AFG2A: variants seen among roughly 807,000 people sequenced by gnomAD.
The protein encoded by AFG2A is ATPase family gene 2 protein homolog A.
the AFG2A span, among the ~76,000 whole-genome samples, chr4:123,233,289 A>G: frequency 5.9e-5 from 9 of 152,002 alleles, no homozygotes; most frequent in African/African-American, 2.2e-4. Context: ...GCACACACAC[A>G]CACACACACA....
chr4:123,072,745 G>T, the AFG2A span, among the ~76,000 whole-genome samples: 2 of 152,078 alleles, frequency 1.3e-5, no homozygotes, highest in African/African-American at 4.8e-5. Context: ...TTTTCAAGAA[G>T]TCCAGTCTAA....
At chr4:123,221,158 T>A in the AFG2A span, among the ~76,000 whole-genome samples, 63 of 152,200 alleles carry the variant, frequency 4.1e-4, no homozygotes, top group East Asian at 0.012. Context: ...TTTTTTGTTG[T>A]TGTTTTGTTT....
the AFG2A span, among the ~76,000 whole-genome samples, chr4:123,226,852 C>T: frequency 4.0e-5 from 6 of 151,712 alleles, no homozygotes; most frequent in East Asian, 1.2e-3. Flanking sequence ...GACTTTTTTT[C>T]GTTGGTAAGC....
chr4:122,972,661 T>C, the AFG2A span, among the ~76,000 whole-genome samples: 1 of 152,020 alleles, frequency 6.6e-6, no homozygotes, highest in Admixed American at 6.5e-5. Flanking sequence ...TCAGTTTTCA[T>C]TGTGATTTTT....
chr4:123,030,040 G>T, the AFG2A span, among the ~76,000 whole-genome samples: 49 of 152,254 alleles, frequency 3.2e-4, no homozygotes, highest in African/African-American at 1.2e-3. Flanking sequence ...TGGTAATGGG[G>T]ATGGCTGTGT....
the AFG2A span, among the ~76,000 whole-genome samples, chr4:123,272,929 G>A: frequency 6.6e-6 from 1 of 152,226 alleles, no homozygotes; most frequent in Admixed American, 6.5e-5. Context: ...AGTCAGCAGA[G>A]AGAATAGAGT....
the AFG2A span, among the ~76,000 whole-genome samples, chr4:123,108,730 C>G: frequency 6.6e-6 from 1 of 151,802 alleles, no homozygotes; most frequent in African/African-American, 2.4e-5. Flanking sequence ...TATATTCTAT[C>G]TAAGTAGAAA....
chr4:122,944,465 G>A, the AFG2A span, among the ~76,000 whole-genome samples: 5 of 152,036 alleles, frequency 3.3e-5, no homozygotes, highest in African/African-American at 7.3e-5. Flanking sequence ...CGTAGTTCTC[G>A]AGCCTTGGCT....
chr4:123,168,678 C>T, the AFG2A span, among the ~76,000 whole-genome samples: 6 of 152,140 alleles, frequency 3.9e-5, no homozygotes, highest in Admixed American at 3.3e-4. Flanking sequence ...ATTTAAGATA[C>T]AAGCATTTTA....
At chr4:123,032,624 C>T in the AFG2A span, among the ~76,000 whole-genome samples, 1 of 152,184 alleles carries the variant, frequency 6.6e-6, no homozygotes, top group Admixed American at 6.5e-5. Context: ...CCATGTAGGC[C>T]AGGCTGGTGT....
the AFG2A span, among the ~76,000 whole-genome samples, chr4:123,216,474 G>A: frequency 6.6e-6 from 1 of 152,022 alleles, no homozygotes; most frequent in Non-Finnish European, 1.5e-5. Context: ...AACAGAATGA[G>A]AAACTATTAA....
chr4:123,002,077 T>C, the AFG2A span, among the ~76,000 whole-genome samples: 44 of 151,748 alleles, frequency 2.9e-4, no homozygotes, highest in Non-Finnish European at 5.6e-4. Context: ...TTTGTCTCTT[T>C]TGATCTTTGT....
the AFG2A span, among the ~76,000 whole-genome samples, chr4:122,929,390 A>G: frequency 6.6e-6 from 1 of 152,210 alleles, no homozygotes; most frequent in Non-Finnish European, 1.5e-5. Flanking sequence ...TTAACATGTA[A>G]TTATAAAAAA....
the AFG2A span, among the ~76,000 whole-genome samples, chr4:123,053,785 A>G: frequency 1.3e-5 from 2 of 152,126 alleles, no homozygotes; most frequent in Non-Finnish European, 2.9e-5. Flanking sequence ...GTTGGCTCAG[A>G]GTGGCATGCA....
chr4:123,244,975 T>G, the AFG2A span, among the ~76,000 whole-genome samples: 1 of 152,178 alleles, frequency 6.6e-6, no homozygotes, highest in East Asian at 1.9e-4. Flanking sequence ...TGAACAATGT[T>G]TAGGAGTAAT....
the AFG2A span, among the ~76,000 whole-genome samples, chr4:123,265,172 C>T: frequency 6.6e-6 from 1 of 151,936 alleles, no homozygotes; most frequent in African/African-American, 2.4e-5. Context: ...AGTTGAAGGC[C>T]TAGTGATTTT....
At chr4:122,944,130 C>T in the AFG2A span, among the ~76,000 whole-genome samples, 2 of 152,104 alleles carry the variant, frequency 1.3e-5, no homozygotes, top group African/African-American at 4.8e-5. Flanking sequence ...TTGCTCTTCT[C>T]GAGGAGTATC....
the AFG2A span, among the ~76,000 whole-genome samples, chr4:123,127,011 A>G: frequency 6.6e-6 from 1 of 152,136 alleles, no homozygotes; most frequent in East Asian, 1.9e-4. Context: ...ACTTAAGGCT[A>G]GGAGTTTGAA....
At chr4:123,145,903 T>G in the AFG2A span, among the ~76,000 whole-genome samples, 1 of 152,122 alleles carries the variant, frequency 6.6e-6, no homozygotes, top group Admixed American at 6.6e-5. Context: ...TTTGGATTAT[T>G]TTTTCTTTTT....
Sources: allele counts gnomAD v4.1 joint callset (sites outside exome capture counted in the v4.1 genomes callset), GRCh38; gene constraint gnomAD v4.1.1; transcripts MANE v1.5; gene names NCBI Gene and HGNC (gene_info 2026-07-23, HGNC 2026-07-21).